Variants in PRELID2 observed in about 807,000 individuals in gnomAD.
The protein encoded by PRELID2 is PRELI domain-containing protein 2.
Under a neutral mutation model 28.4 loss-of-function variants are expected in PRELID2, and 25 were observed. The ratio of observed to expected loss-of-function variants is 0.88; its 90% confidence interval spans 0.64 to 1.23. The LOEUF (loss-of-function observed/expected upper bound fraction) is 1.23, where lower values mean the gene tolerates loss of function less well. Ranked by LOEUF, PRELID2 falls within the 50% of genes most tolerant of loss-of-function variation. PRELID2 has a pLI of 0.00. For synonymous variants in PRELID2, 76 were observed against 71.6 expected (o/e 1.06, Z -0.31); for missense variants, 201 against 214.4 (o/e 0.94, Z 0.39).
At chr5:145,658,074 G>A (rs1456304395) in intron 1 of PRELID2, among the ~76,000 whole-genome samples, 1 of 152,180 alleles carries the variant, frequency 6.6e-6, no homozygotes, top group East Asian at 1.9e-4. Flanking sequence ...TTGTGTGCCT[G>A]GCAATGTGTT....
the PRELID2 span, among the ~76,000 whole-genome samples, chr5:145,417,126 T>C: frequency 6.6e-6 from 1 of 152,098 alleles, no homozygotes; most frequent in Admixed American, 6.6e-5. Flanking sequence ...TAAATACCTC[T>C]ATGCACATAA....
chr5:145,325,217 T>A, the PRELID2 span, among the ~76,000 whole-genome samples: 9 of 152,368 alleles, frequency 5.9e-5, no homozygotes, highest in Non-Finnish European at 1.0e-4. Flanking sequence ...CATGTTTTCT[T>A]GCTGTTGGTT....
the PRELID2 span, among the ~76,000 whole-genome samples, chr5:145,299,448 T>A: frequency 6.6e-6 from 1 of 152,154 alleles, no homozygotes; most frequent in Non-Finnish European, 1.5e-5. Flanking sequence ...TGCAATGTAT[T>A]TGTTGAATAA....
At chr5:145,532,129 C>T (rs1295582031) in intron 1 of PRELID2, among the ~76,000 whole-genome samples, 1 of 152,056 alleles carries the variant, frequency 6.6e-6, no homozygotes, top group African/African-American at 2.4e-5. Flanking sequence ...TCTTGCCTTA[C>T]GTCTCTAATG....
chr5:145,372,497 C>G, the PRELID2 span, among the ~76,000 whole-genome samples: 5 of 151,882 alleles, frequency 3.3e-5, no homozygotes, highest in Admixed American at 6.6e-5. Context: ...CTTCGTAGGT[C>G]TCTAAGAACT....
At chr5:145,774,956 C>T (rs2149786699) in intron 5 of PRELID2, among the ~76,000 whole-genome samples, 1 of 152,252 alleles carries the variant, frequency 6.6e-6, no homozygotes, top group South Asian at 2.1e-4. Flanking sequence ...ATGGCAAAAT[C>T]AGGCCAGGCA....
chr5:145,585,926 G>C (rs1437290319), intron 1 of PRELID2, among the ~76,000 whole-genome samples: 1 of 152,064 alleles, frequency 6.6e-6, no homozygotes, highest in East Asian at 1.9e-4. Context: ...GAAAGACTGT[G>C]AGTCCATGAA....
the PRELID2 span, among the ~76,000 whole-genome samples, chr5:145,276,430 C>T: frequency 6.6e-6 from 1 of 152,092 alleles, no homozygotes; most frequent in South Asian, 2.1e-4. Context: ...CAATAGAAAG[C>T]AATTGCCTCC....
chr5:145,692,871 A>G (rs1228738216), intron 1 of PRELID2, among the ~76,000 whole-genome samples: 2 of 152,116 alleles, frequency 1.3e-5, no homozygotes, highest in Non-Finnish European at 2.9e-5. Flanking sequence ...ATTTTCCATC[A>G]TTATTTATAG....
chr5:145,609,564 G>A (rs990455208), intron 1 of PRELID2, among the ~76,000 whole-genome samples: 2 of 152,238 alleles, frequency 1.3e-5, no homozygotes, highest in Non-Finnish European at 2.9e-5. Flanking sequence ...AGAAGATGGG[G>A]TTGCACCTGC....
At chr5:145,601,621 C>T (rs1753398604) in intron 1 of PRELID2, among the ~76,000 whole-genome samples, 1 of 152,132 alleles carries the variant, frequency 6.6e-6, no homozygotes, top group Non-Finnish European at 1.5e-5. Context: ...TGAGAAATTA[C>T]TGAACTGTGA....
chr5:145,266,168 A>AT, the PRELID2 span, among the ~76,000 whole-genome samples: 70 of 151,230 alleles, frequency 4.6e-4, 2 homozygotes, highest in East Asian at 0.01. Flanking sequence ...CTATTTTAAC[A>AT]TTTTTTTTTC....
At chr5:145,362,014 A>C in the PRELID2 span, among the ~76,000 whole-genome samples, 1 of 152,098 alleles carries the variant, frequency 6.6e-6, no homozygotes, top group Non-Finnish European at 1.5e-5. Context: ...ATGATTCAAC[A>C]AGTACTTGGA....
chr5:145,518,940 A>C (rs1413170428), intron 1 of PRELID2, among the ~76,000 whole-genome samples: 1 of 152,170 alleles, frequency 6.6e-6, no homozygotes, highest in Non-Finnish European at 1.5e-5. Flanking sequence ...TTTGACCTTA[A>C]TATTTCCCTG....
the PRELID2 span, among the ~76,000 whole-genome samples, chr5:145,313,096 A>G: frequency 6.6e-6 from 1 of 152,192 alleles, no homozygotes. Context: ...CTGCATTTTT[A>G]ACAAGCTCTC....
chr5:145,832,202 T>C (rs929394592), intron 1 of PRELID2, among the ~76,000 whole-genome samples: 1 of 152,190 alleles, frequency 6.6e-6, no homozygotes, highest in Non-Finnish European at 1.5e-5. Context: ...GTTTTTGTTT[T>C]TGAGATGAAG....
At chr5:145,689,207 G>A (rs553281759) in intron 1 of PRELID2, among the ~76,000 whole-genome samples, 2 of 152,236 alleles carry the variant, frequency 1.3e-5, no homozygotes, top group East Asian at 1.9e-4. Context: ...AGAGGGTCCA[G>A]CAAAGCTGGG....
chr5:145,362,761 C>G, the PRELID2 span, among the ~76,000 whole-genome samples: 15 of 152,050 alleles, frequency 9.9e-5, no homozygotes, highest in Non-Finnish European at 1.2e-4. Flanking sequence ...ATATCAGTAA[C>G]AAATCCTGGC....
chr5:145,629,051 A>C (rs74477001), intron 1 of PRELID2, among the ~76,000 whole-genome samples: 3,069 of 152,288 alleles, frequency 0.02, 116 homozygotes, highest in African/African-American at 0.07. Context: ...AGTAAAAATT[A>C]GTGTTTTCAA....
Sources: allele counts gnomAD v4.1 joint callset (sites outside exome capture counted in the v4.1 genomes callset), GRCh38; gene constraint gnomAD v4.1.1; transcripts MANE v1.5; gene names NCBI Gene and HGNC (gene_info 2026-07-23, HGNC 2026-07-21).